CNTNAP2: variants seen among roughly 807,000 people sequenced by gnomAD.
The protein encoded by CNTNAP2 is contactin associated protein 2, also known as contactin-associated protein-like 2.
A neutral mutation model predicts 155.2 loss-of-function variants in CNTNAP2; 98 were observed. That is an observed-to-expected ratio of 0.63 (90% CI 0.54 to 0.75). The LOEUF (loss-of-function observed/expected upper bound fraction) is 0.75, where lower values mean the gene tolerates loss of function less well. Ranked by LOEUF, CNTNAP2 falls within the 30% of genes least tolerant of loss-of-function variation. The pLI is 0.00. For synonymous variants in CNTNAP2, 651 were observed against 631.2 expected (o/e 1.03, Z -0.47); for missense variants, 1,727 against 1,688.1 (o/e 1.02, Z -0.40).
chr7:147,634,204 TA>T (rs1356351277), intron 12 of CNTNAP2, among the ~76,000 whole-genome samples: 1 of 152,186 alleles, frequency 6.6e-6, no homozygotes, highest in African/African-American at 2.4e-5. Flanking sequence ...GGAACCAGCC[TA>T]AAAGTCCATC....
At chr7:147,691,689 AT>A (rs1015959252) in intron 13 of CNTNAP2, among the ~76,000 whole-genome samples, 18 of 152,140 alleles carry the variant, frequency 1.2e-4, no homozygotes, top group African/African-American at 3.6e-4. Context: ...TATGCTTAAT[AT>A]TTTCAATAAG....
At chr7:146,495,432 AT>A (rs1201961277) in intron 1 of CNTNAP2, among the ~76,000 whole-genome samples, 1 of 152,032 alleles carries the variant, frequency 6.6e-6, no homozygotes, top group East Asian at 1.9e-4. Flanking sequence ...GCCTCTGATA[AT>A]TAGTTACCCT....
chr7:147,691,027 G>T (rs1397370155), intron 13 of CNTNAP2, among the ~76,000 whole-genome samples: 1 of 152,002 alleles, frequency 6.6e-6, no homozygotes, highest in Non-Finnish European at 1.5e-5. Context: ...TTGATAATTT[G>T]TGTCTGTTAA....
At chr7:148,226,682 C>T (rs1467421652) in intron 19 of CNTNAP2, among the ~76,000 whole-genome samples, 1 of 152,230 alleles carries the variant, frequency 6.6e-6, no homozygotes, top group Non-Finnish European at 1.5e-5. Flanking sequence ...TCAGTAAACA[C>T]CTGTGCATGC....
At chr7:146,940,881 C>T (rs1333199010) in intron 3 of CNTNAP2, among the ~76,000 whole-genome samples, 2 of 151,856 alleles carry the variant, frequency 1.3e-5, no homozygotes, top group African/African-American at 2.4e-5. Flanking sequence ...TATTATCTTG[C>T]TAAATGGGCC....
intron 12 of CNTNAP2, among the ~76,000 whole-genome samples, chr7:147,571,861 G>A (rs945232304): frequency 6.6e-6 from 1 of 151,518 alleles, no homozygotes; most frequent in African/African-American, 2.4e-5. Flanking sequence ...TCCTCTTTCT[G>A]TCTCCTAACC....
At chr7:147,866,142 C>A (rs1799222247) in intron 13 of CNTNAP2, among the ~76,000 whole-genome samples, 1 of 152,196 alleles carries the variant, frequency 6.6e-6, no homozygotes, top group African/African-American at 2.4e-5. Context: ...TCATTGGTTT[C>A]AAAGAACATC....
chr7:146,580,463 A>G (rs1441963367), intron 1 of CNTNAP2, among the ~76,000 whole-genome samples: 4 of 79,430 alleles, frequency 5.0e-5, no homozygotes, highest in Non-Finnish European at 1.0e-4. Context: ...ATGAGGTATT[A>G]TCCCCAATTA....
At chr7:147,303,046 T>C (rs1794972777) in intron 9 of CNTNAP2, among the ~76,000 whole-genome samples, 1 of 152,162 alleles carries the variant, frequency 6.6e-6, no homozygotes, top group African/African-American at 2.4e-5. Context: ...GAAAGCCTCC[T>C]CAGCGAATGA....
intron 13 of CNTNAP2, among the ~76,000 whole-genome samples, chr7:147,740,032 C>G (rs1796929137): frequency 6.6e-6 from 1 of 152,116 alleles, no homozygotes; most frequent in Admixed American, 6.5e-5. Flanking sequence ...ACTGGCATCT[C>G]TGCAGAGCTG....
At chr7:147,285,341 G>T (rs556931636) in intron 8 of CNTNAP2, among the ~76,000 whole-genome samples, 1 of 151,620 alleles carries the variant, frequency 6.6e-6, no homozygotes, top group East Asian at 1.9e-4. Context: ...GGTATAAAAA[G>T]GCTCTATTTT....
At chr7:147,066,027 AAAACAAAAAACAAAG>A (rs1281422204) in intron 4 of CNTNAP2, among the ~76,000 whole-genome samples, 4 of 152,298 alleles carry the variant, frequency 2.6e-5, no homozygotes, top group East Asian at 3.9e-4. Flanking sequence ...AAAACAAAAC[AAAACAAAAAACAAAG>A]AAACAAAAAA....
At position 148,097,600 on chromosome 7, in the gene CNTNAP2, T is replaced by C. The variant is rs145230163; in HGVS notation, c.2384-20518T>C. 3.9e-5 allele frequency among the ~76,000 whole-genome samples: 6 copies of C among 152,246 alleles called. No individual in the cohort carries two copies. In the East Asian group the frequency reaches 1.2e-3, roughly 30 times the overall value. ...CCCGGGTTCACACCAATCTCCTGCC[T>C]CAGCCTCCTGAGTAGCTGGAAGCTA... On this transcript the variant is annotated intron_variant, in intron 15 of 23. Transcript: ENST00000361727.
chr7:146,249,588 T>G (rs1298457919), intron 1 of CNTNAP2, among the ~76,000 whole-genome samples: 1 of 152,188 alleles, frequency 6.6e-6, no homozygotes, highest in Non-Finnish European at 1.5e-5. Context: ...TATCACTTAT[T>G]ATGTGCTGCT....
At chr7:147,752,532 C>A (rs962201755) in intron 13 of CNTNAP2, among the ~76,000 whole-genome samples, 1 of 152,046 alleles carries the variant, frequency 6.6e-6, no homozygotes, top group African/African-American at 2.4e-5. Flanking sequence ...CAGGAAGGGG[C>A]CTTTGATAAT....
chr7:146,563,084 T>G (rs1798304343), intron 1 of CNTNAP2, among the ~76,000 whole-genome samples: 1 of 152,182 alleles, frequency 6.6e-6, no homozygotes, highest in Non-Finnish European at 1.5e-5. Context: ...TAAATCATTC[T>G]TATGTGACTC....
At chr7:147,598,730 A>G (rs1800878886) in intron 12 of CNTNAP2, among the ~76,000 whole-genome samples, 1 of 152,162 alleles carries the variant, frequency 6.6e-6, no homozygotes, top group South Asian at 2.1e-4. Flanking sequence ...TGTAGTTCCC[A>G]TAATCTCCAC....
chr7:147,884,962 T>C (rs1168070277), intron 13 of CNTNAP2, among the ~76,000 whole-genome samples: 1 of 152,220 alleles, frequency 6.6e-6, no homozygotes, highest in Non-Finnish European at 1.5e-5. Context: ...AGACCTCAGG[T>C]TTTGAGCTGC....
intron 10 of CNTNAP2, among the ~76,000 whole-genome samples, chr7:147,472,354 A>G (rs1798240225): frequency 6.6e-6 from 1 of 151,760 alleles, no homozygotes; most frequent in South Asian, 2.1e-4. Flanking sequence ...CTGGGATTAC[A>G]GGCATGCCCC....
Sources: gnomAD v4.1 joint callset for allele counts (sites outside exome capture counted in the v4.1 genomes callset) on GRCh38, gnomAD v4.1.1 for gene constraint, MANE v1.5 for transcripts, NCBI Gene and HGNC (gene_info 2026-07-23, HGNC 2026-07-21) for gene names.